The following BPTF variants were observed in gnomAD, a reference collection of about 807,000 sequenced individuals.
BPTF encodes the protein nucleosome-remodeling factor subunit BPTF.
A neutral mutation model predicts 292.5 loss-of-function variants in BPTF; 18 were observed. The ratio of observed to expected loss-of-function variants is 0.06; its 90% CI spans 0.04 to 0.09. The LOEUF is 0.09. Ranked by LOEUF, BPTF falls within the 10% of genes least tolerant of loss-of-function variation. The pLI, the probability that BPTF is intolerant of heterozygous loss-of-function variation, is 1.00. For missense variants in BPTF, 2,726 were observed against 3,498.7 expected, an observed-to-expected ratio of 0.78 and a Z score of 5.57; for synonymous variants, 1,225 against 1,251.9, an observed-to-expected ratio of 0.98 and a Z score of 0.45.
chr17:67,964,173 A>G (rs567158518), intron 24 of BPTF, 39 bp from the exon 25 acceptor site: 10 of 1,581,170 alleles, frequency 6.3e-6, no homozygotes, highest in Non-Finnish European at 8.7e-6. Context: ...ACATCATCCC[A>G]TGTGTTTTGA....
intron 26 of BPTF, among the ~76,000 whole-genome samples, chr17:67,968,795 A>AAT (rs1478194723): frequency 6.7e-6 from 1 of 150,248 alleles, no homozygotes; most frequent in East Asian, 1.9e-4. Flanking sequence ...TCAAAAAAAA[A>AAT]AAAGAAAGAA....
At chr17:67,976,122 G>A in intron 27 of BPTF, 164 bp downstream of exon 27, 1 of 519,258 alleles carries the variant, frequency 1.9e-6, no homozygotes, top group Non-Finnish European at 3.1e-6. Flanking sequence ...CTACTGCCAA[G>A]GAGAAGTGGA....
chr17:67,864,965 C>T (rs1414513753), intron 2 of BPTF, among the ~76,000 whole-genome samples: 3 of 152,032 alleles, frequency 2.0e-5, no homozygotes, highest in South Asian at 2.1e-4. Context: ...CCACCATGCC[C>T]GGCTAATTTT....
At position 67,983,025 on chromosome 17, in the gene BPTF, A is replaced by G. The variant is rs7107; in HGVS notation, c.*737A>G. 137,427 of 152,340 alleles carry G rather than the reference A, an allele frequency of 0.9. 63,661 individuals are homozygous for G. Among genetic ancestry groups the G allele is most frequent in the East Asian group, 1 (5,194 of 5,196 alleles). The allele number at this position is 152,340 out of a possible 1,614,324, so 9.4% of individuals were successfully genotyped here. A position where few individuals can be genotyped will look rare whatever the true frequency, so the allele number is the denominator to read the frequency against. On this transcript the variant is annotated 3_prime_UTR_variant, in exon 28 of 28. Transcript: ENST00000306378. ...GTCAATTACTCTGCACCAGGCTAAA[A>G]TGAGTAAAATCTATTTGAAGGTATC...
Position 67,966,519 on chromosome 17 carries a change from TA to T in BPTF, c.8455-50del, listed in dbSNP as rs1233156691. The T allele has an allele frequency of 2.6e-6, 4 of 1,530,850 alleles. No individual in the cohort carries two copies. In the Admixed American group the frequency reaches 6.9e-5, roughly 27 times the overall value. 94.8% of individuals were successfully genotyped at this position (1,530,850 alleles called of 1,614,324 possible). A position where few individuals can be genotyped will look rare whatever the true frequency, so the allele number is the denominator to read the frequency against. On this transcript the variant is annotated intron_variant, in intron 25 of 27. Coordinates refer to ENST00000306378, the MANE Select transcript of BPTF (RefSeq NM_182641.4). ...GATGTAGTAACTCAACCAGGAAACT[TA>T]AATGGAATTAGTGTTTTCACTGACA...
At chr17:67,870,001 CAA>C (rs59327152) in intron 3 of BPTF, among the ~76,000 whole-genome samples, 2,609 of 59,138 alleles carry the variant, frequency 0.044, 47 homozygotes, top group African/African-American at 0.14. Flanking sequence ...GACTCCGTCT[CAA>C]AAAAAAAAAA....
intron 24 of BPTF, among the ~76,000 whole-genome samples, chr17:67,960,680 A>C (rs1486651078): frequency 6.6e-6 from 1 of 152,226 alleles, no homozygotes; most frequent in Non-Finnish European, 1.5e-5. Flanking sequence ...CAGGACCAAA[A>C]AGTCTGATTG....
intron 1 of BPTF, among the ~76,000 whole-genome samples, chr17:67,836,141 T>C (rs2057113988): frequency 6.6e-6 from 1 of 152,228 alleles, no homozygotes; most frequent in African/African-American, 2.4e-5. Flanking sequence ...TGTCCTAGTG[T>C]GTCTGGGTTC....
intron 4 of BPTF, among the ~76,000 whole-genome samples, chr17:67,891,119 C>T (rs925550684): frequency 1.3e-5 from 2 of 151,756 alleles, no homozygotes; most frequent in Admixed American, 6.6e-5. Context: ...GGGGTTGAGG[C>T]TGAGGTGAAC....
At chr17:67,960,701 A>G (rs534110871) in intron 24 of BPTF, among the ~76,000 whole-genome samples, 92 of 152,332 alleles carry the variant, frequency 6.0e-4, no homozygotes, top group African/African-American at 2.2e-3. Context: ...TGCTTTAAAA[A>G]CTGATCATTT....
Position 67,964,393 on chromosome 17 carries a change from C to T in BPTF, c.8443C>T (p.Arg2815Cys), listed in dbSNP as rs1490312097. ...TTATGAGGGGTTGAAGAGGGTGCTC[C>T]GTTCCTTACAGGTGAGACCCCTCTG... ...KDYEGLKRVL[R>C]SLQAHKMAWP... The change falls in exon 25 of 28, where the codon CGT (arginine) becomes TGT (cysteine). Residue 2815 changes from arginine (R) to cysteine (C), a missense_variant. Arg to Cys is a radical substitution (Grantham distance 180). This residue lies in a region of BPTF where 48 missense variants were observed against 114.2 expected (regional missense o/e 0.42). Coordinates refer to ENST00000306378, the MANE Select transcript of BPTF (RefSeq NM_182641.4). 9.3e-6 allele frequency: 15 copies of T among 1,612,900 alleles called. No homozygotes were observed. Among genetic ancestry groups the T allele is most frequent in the East Asian group, 4.5e-5 (2 of 44,856 alleles).
At chr17:67,943,959 A>ATTG (rs2065600821) in intron 19 of BPTF, among the ~76,000 whole-genome samples, 191 bp from the exon 20 acceptor site, 1 of 152,110 alleles carries the variant, frequency 6.6e-6, no homozygotes. Context: ...GGAACTCTGG[A>ATTG]TTGTTGATGT....
rs772175789 is a variant in BPTF at position 67,886,303 on chromosome 17, T to C, written c.1865-5541T>C. 14 of 1,610,638 alleles carry C rather than the reference T, an allele frequency of 8.7e-6. No individual in the cohort carries two copies. In the South Asian group the frequency reaches 1.5e-4, roughly 18 times the overall value. On this transcript the variant is annotated intron_variant, in intron 4 of 27. Transcript: ENST00000306378. ...GAGAATCTCATACACCTGTCTCTAT[T>C]CAGGAAGAGATAGGTAAGAATATAC... is the stretch of plus-strand genomic sequence containing the variant.
chr17:67,934,315 C>T (rs186494911), intron 18 of BPTF, among the ~76,000 whole-genome samples: 80 of 151,324 alleles, frequency 5.3e-4, no homozygotes, highest in African/African-American at 1.8e-3. Context: ...GTCAGGAGTT[C>T]GAGACTAGCC....
chr17:67,927,572 G>C (rs1038438610), intron 15 of BPTF, among the ~76,000 whole-genome samples: 4 of 152,126 alleles, frequency 2.6e-5, no homozygotes, highest in Non-Finnish European at 5.9e-5. Flanking sequence ...TGTTTTTATA[G>C]TTGGATAAAT....
rs1255314821 is a variant in BPTF at position 67,903,665 on chromosome 17, G to A, written c.2544-124G>A. 1.5e-5 allele frequency: 12 copies of A among 813,332 alleles called. No individual in the cohort carries two copies. The East Asian group carries it at 3.7e-4, about 25-fold the overall frequency. 50.4% of individuals were successfully genotyped at this position (813,332 alleles called of 1,614,324 possible). On this transcript the variant is annotated intron_variant, in intron 7 of 27. Transcript: ENST00000306378. Reference sequence around the variant, plus strand: ...CAACTACAACTAAGTTTTGTCAGTTGGGGTTGTCTGGTTTGTAGGATTATA... The same window carrying A: ...CAACTACAACTAAGTTTTGTCAGTTAGGGTTGTCTGGTTTGTAGGATTATA...
chr17:67,971,625 G>A (rs1461408395), intron 26 of BPTF, among the ~76,000 whole-genome samples: 4 of 151,926 alleles, frequency 2.6e-5, no homozygotes, highest in South Asian at 4.2e-4. Context: ...CCAACATGGC[G>A]AAACCCCGTC....
At chr17:67,944,761 C>A (rs2065665833) in intron 20 of BPTF, among the ~76,000 whole-genome samples, 1 of 152,146 alleles carries the variant, frequency 6.6e-6, no homozygotes, top group Admixed American at 6.6e-5. Flanking sequence ...ACTTTGTTGA[C>A]CTTCTGCTGC....
Position 67,911,292 on chromosome 17 carries a change from G to T in BPTF, c.3408G>T (p.Leu1136Phe). 6.2e-7 allele frequency: 1 copy of T among 1,614,112 alleles called. No homozygotes were observed. The change falls in exon 11 of 28, where the codon TTG (leucine) becomes TTT (phenylalanine). Residue 1136 changes from leucine to phenylalanine, a missense_variant. Leu to Phe is a conservative substitution (Grantham distance 22). Transcript: ENST00000306378. ...PNANNDQPED[L>F]IQGCSESDSS... The stretch of plus-strand genomic sequence containing the variant: ...CAAATAATGATCAACCTGAGGACTT[G>T]ATTCAGGGATGTTCAGAAAGTGATT...
Sources: allele counts gnomAD v4.1 joint callset (sites outside exome capture counted in the v4.1 genomes callset), GRCh38; gene constraint gnomAD v4.1.1; regional missense constraint gnomAD v4.1.1; transcripts MANE v1.5; gene names NCBI Gene and HGNC (gene_info 2026-07-23, HGNC 2026-07-21).